LHFPL3: variants seen among roughly 807,000 people sequenced by gnomAD.
LHFPL3 encodes LHFPL tetraspan subfamily member 3 protein.
LHFPL3 carries 5 observed loss-of-function variants against 19.3 expected under a neutral mutation model. That is an observed-to-expected ratio of 0.26 (90% CI 0.14 to 0.54). The LOEUF is 0.54. Ranked by LOEUF, LHFPL3 falls within the 20% of genes least tolerant of loss-of-function variation. LHFPL3 has a pLI of 0.94. For missense variants in LHFPL3, 249 were observed against 307.4 expected (o/e 0.81, Z 1.42); for synonymous variants, 133 against 126.2 (o/e 1.05, Z -0.36).
chr7:104,361,578 C>T (rs114052245), intron 1 of LHFPL3, among the ~76,000 whole-genome samples: 1,702 of 152,194 alleles, frequency 0.011, 41 homozygotes, highest in African/African-American at 0.039. Context: ...TTGGGATTAA[C>T]GAGATAATGT....
intron 1 of LHFPL3, among the ~76,000 whole-genome samples, chr7:104,569,785 C>T (rs1790193427): frequency 6.6e-6 from 1 of 152,082 alleles, no homozygotes; most frequent in Admixed American, 6.6e-5. Flanking sequence ...AAAACTGGGA[C>T]TTAGTAATGC....
At chr7:104,729,901 C>A (rs934169027) in intron 1 of LHFPL3, among the ~76,000 whole-genome samples, 1 of 151,956 alleles carries the variant, frequency 6.6e-6, no homozygotes, top group Non-Finnish European at 1.5e-5. Flanking sequence ...CCCACTCCCC[C>A]CACCCCACAA....
chr7:104,770,724 C>G (rs1312125753), intron 2 of LHFPL3, among the ~76,000 whole-genome samples: 1 of 152,172 alleles, frequency 6.6e-6, no homozygotes, highest in East Asian at 1.9e-4. Context: ...GAATCCTCCT[C>G]AACACAGATT....
intron 1 of LHFPL3, among the ~76,000 whole-genome samples, chr7:104,583,016 T>C (rs78088365): frequency 0.024 from 3,643 of 151,994 alleles, 91 homozygotes; most frequent in Non-Finnish European, 0.039. Context: ...ATATCCATGT[T>C]CCCCCTTCAG....
At chr7:104,840,399 C>G (rs1486901849) in intron 2 of LHFPL3, among the ~76,000 whole-genome samples, 1 of 145,440 alleles carries the variant, frequency 6.9e-6, no homozygotes, top group Non-Finnish European at 1.5e-5. Context: ...ATTACACCCT[C>G]AGGTTCAAGC....
intron 1 of LHFPL3, among the ~76,000 whole-genome samples, chr7:104,703,164 A>G (rs769794812): frequency 6.6e-6 from 1 of 152,234 alleles, no homozygotes; most frequent in African/African-American, 2.4e-5. Flanking sequence ...TTTTAAAAGC[A>G]CAACTTTCAT....
intron 1 of LHFPL3, among the ~76,000 whole-genome samples, chr7:104,584,108 C>T (rs946168944): frequency 6.6e-6 from 1 of 152,020 alleles, no homozygotes; most frequent in African/African-American, 2.4e-5. Context: ...CACATATACA[C>T]CATGGAATAC....
At chr7:104,498,905 A>G (rs1329201782) in intron 1 of LHFPL3, among the ~76,000 whole-genome samples, 1 of 152,246 alleles carries the variant, frequency 6.6e-6, no homozygotes, top group East Asian at 1.9e-4. Context: ...GTAAATTTTA[A>G]AATGGAAAGT....
In LHFPL3 at chr7:104,345,025, CTGTT is replaced by C. The variant is rs561466526; in HGVS notation, c.445+15804_445+15807del. Among the ~76,000 whole-genome samples the C allele has an allele frequency of 6.8e-4, 104 of 152,250 alleles. 1 individual carries two copies. The highest frequency in any genetic ancestry group is 1.2e-3 in the South Asian group (6 of 4,828). The stretch of plus-strand genomic sequence containing the variant: ...CGTTTAATAGAGTTATCTCATAAAA[CTGTT>C]TGAGACTGGTATTTCTTTATGGAAG... On this transcript the variant is annotated intron_variant, in intron 1 of 2. Coordinates refer to ENST00000424859, the MANE Select transcript of LHFPL3 (RefSeq NM_199000.3).
chr7:104,745,038 C>A (rs1300148102), intron 2 of LHFPL3, among the ~76,000 whole-genome samples: 3 of 152,174 alleles, frequency 2.0e-5, no homozygotes, highest in Non-Finnish European at 4.4e-5. Context: ...TACCCGATAC[C>A]CTTTTTTGAA....
At chr7:104,798,851 T>C (rs1790186808) in intron 2 of LHFPL3, among the ~76,000 whole-genome samples, 1 of 152,170 alleles carries the variant, frequency 6.6e-6, no homozygotes, top group African/African-American at 2.4e-5. Context: ...TTTGCTTCTG[T>C]TTTTTTGGAT....
chr7:104,849,690 G>T (rs892549324), intron 2 of LHFPL3, among the ~76,000 whole-genome samples: 1 of 152,220 alleles, frequency 6.6e-6, no homozygotes, highest in African/African-American at 2.4e-5. Context: ...GGACAAAAAG[G>T]TTAGGATCTA....
chr7:104,672,131 A>ACCCTGCAGTAC, intron 1 of LHFPL3, among the ~76,000 whole-genome samples: 1 of 150,248 alleles, frequency 6.7e-6, no homozygotes, highest in Non-Finnish European at 1.5e-5. Context: ...AGTAGGGTGT[A>ACCCTGCAGTAC]TGCAGGGCTG....
At chr7:104,332,043 G>T (rs1447999518) in intron 1 of LHFPL3, among the ~76,000 whole-genome samples, 1 of 151,764 alleles carries the variant, frequency 6.6e-6, no homozygotes, top group East Asian at 1.9e-4. Context: ...CAGTACCTAG[G>T]CTAATCTCAA....
chr7:104,329,304 G>C (rs1219053163), intron 1 of LHFPL3, 80 bp downstream of exon 1: 2 of 1,484,074 alleles, frequency 1.3e-6, no homozygotes, highest in Non-Finnish European at 1.8e-6. Flanking sequence ...GGAGGGACGG[G>C]GGCTGTGCGC....
At chr7:104,770,986 C>T (rs57276252) in intron 2 of LHFPL3, among the ~76,000 whole-genome samples, 50,701 of 152,106 alleles carry the variant, frequency 0.33, 8,895 homozygotes, top group South Asian at 0.46. Context: ...AGCCCCTAGT[C>T]CAGTGCTCAG....
chr7:104,698,025 C>T (rs1182141016), intron 1 of LHFPL3, among the ~76,000 whole-genome samples: 3 of 152,150 alleles, frequency 2.0e-5, no homozygotes, highest in African/African-American at 7.2e-5. Flanking sequence ...GTCCCAAATC[C>T]TTATTCCAAT....
intron 1 of LHFPL3, among the ~76,000 whole-genome samples, chr7:104,609,366 A>C (rs936256115): frequency 6.6e-6 from 1 of 152,210 alleles, no homozygotes; most frequent in African/African-American, 2.4e-5. Context: ...ATATTAATGT[A>C]AGCAACTACC....
chr7:104,521,071 T>C (rs1794048934), intron 1 of LHFPL3, among the ~76,000 whole-genome samples: 1 of 152,212 alleles, frequency 6.6e-6, no homozygotes, highest in South Asian at 2.1e-4. Context: ...TCCTGCTTTC[T>C]CTTGTGGGCA....
Sources: allele counts gnomAD v4.1 joint callset (sites outside exome capture counted in the v4.1 genomes callset), GRCh38; gene constraint gnomAD v4.1.1; transcripts MANE v1.5; gene names NCBI Gene and HGNC (gene_info 2026-07-23, HGNC 2026-07-21).